GON4L: variants seen among roughly 807,000 people sequenced by gnomAD.
GON4L encodes the protein GON-4-like protein.
Under a neutral mutation model 211.8 loss-of-function variants are expected in GON4L, and 87 were observed. The observed-to-expected ratio is 0.41, with a 90% CI of 0.35 to 0.49. The LOEUF is 0.49. GON4L is among the 20% of genes least tolerant of loss of function. The pLI, the probability that GON4L is intolerant of heterozygous loss-of-function variation, is 0.15. For missense variants in GON4L, 2,155 were observed against 2,659.5 expected (o/e 0.81, Z 4.17); for synonymous variants, 875 against 962.6 (o/e 0.91, Z 1.68).
intron 27 of GON4L, among the ~76,000 whole-genome samples, chr1:155,756,244 C>G (rs1054121554): frequency 6.6e-6 from 1 of 152,082 alleles, no homozygotes; most frequent in African/African-American, 2.4e-5. Flanking sequence ...TAAGTATTAG[C>G]TGCTATCATT....
intron 28 of GON4L, chr1:155,753,895 G>A (rs1660872500): frequency 4.9e-6 from 1 of 202,942 alleles, no homozygotes; most frequent in South Asian, 8.0e-5. Flanking sequence ...TTTTAAACAC[G>A]GTCTCACTCT....
intron 11 of GON4L, among the ~76,000 whole-genome samples, chr1:155,802,564 A>G (rs1666778282): frequency 6.6e-6 from 1 of 152,146 alleles, no homozygotes; most frequent in Non-Finnish European, 1.5e-5. Context: ...GTCTCTGATC[A>G]TCCTAAACAA....
At chr1:155,827,722 T>C (rs1171087635) in intron 2 of GON4L, among the ~76,000 whole-genome samples, 1 of 150,546 alleles carries the variant, frequency 6.6e-6, no homozygotes, top group African/African-American at 2.4e-5. Flanking sequence ...CAGGTGCTTA[T>C]AGTCATGAGG....
chr1:155,852,182 A>G lies in GON4L; in HGVS notation c.505+1094T>C, dbSNP rs1046293403. Among the ~76,000 whole-genome samples, 363 of 150,406 alleles carry G rather than the reference A, an allele frequency of 2.4e-3. 2 individuals are homozygous for G. Among genetic ancestry groups the G allele is most frequent in the Non-Finnish European group, 3.4e-3 (232 of 67,452 alleles). ...TGTCACAAAAAAAAAAAAAAAAAAA[A>G]AAGAAGTCATCTCCCACCACCTGTT... On this transcript the variant is annotated intron_variant, in intron 2 of 31. Coordinates refer to ENST00000368331, the MANE Select transcript of GON4L (RefSeq NM_001282860.2).
At chr1:155,761,175 GTTTTT>G in intron 23 of GON4L, among the ~76,000 whole-genome samples, 1 of 109,534 alleles carries the variant, frequency 9.1e-6, no homozygotes, top group African/African-American at 3.8e-5. Context: ...CTTATGTGTG[GTTTTT>G]TTTTTTTTTT....
intron 19 of GON4L, 47 bp from the exon 20 acceptor site, chr1:155,767,588 C>A: frequency 6.6e-7 from 1 of 1,505,308 alleles, no homozygotes. Context: ...TCTGGAAACA[C>A]TGTCCCCTGT....
At chr1:155,815,019 C>A (rs1668115970) in intron 8 of GON4L, among the ~76,000 whole-genome samples, 1 of 152,012 alleles carries the variant, frequency 6.6e-6, no homozygotes, top group Non-Finnish European at 1.5e-5. Flanking sequence ...GAGGCTGAGG[C>A]AGGAGACTTG....
chr1:155,781,819 C>T (rs1473183177), intron 14 of GON4L, among the ~76,000 whole-genome samples: 1 of 150,318 alleles, frequency 6.7e-6, no homozygotes, highest in Non-Finnish European at 1.5e-5. Flanking sequence ...TACAGTGGCA[C>T]AATCTCAGCT....
At chr1:155,811,679 C>A (rs1667788949) in intron 10 of GON4L, among the ~76,000 whole-genome samples, 1 of 141,492 alleles carries the variant, frequency 7.1e-6, no homozygotes, top group Non-Finnish European at 1.5e-5. Flanking sequence ...ATCGCTTGAA[C>A]CCCGAAGTGG....
In GON4L at chr1:155,815,800, C is replaced by A; in HGVS notation, c.1161+5G>T. ...GACAAATATTACCAACTAACATTCA[C>A]TGACCTCTTCAGCAGTTTCATCTTC... On this transcript the variant is annotated splice_donor_5th_base_variant and intron_variant, in intron 8 of 31. Transcript: ENST00000368331. 6.6e-7 allele frequency: 1 copy of A among 1,522,890 alleles called. No individual in the cohort carries two copies. Among genetic ancestry groups the A allele is most frequent in the South Asian group, 1.1e-5 (1 of 89,234 alleles). 94.3% of individuals were successfully genotyped at this position (1,522,890 alleles called of 1,614,324 possible). A position where few individuals can be genotyped will look rare whatever the true frequency, so the allele number is the denominator to read the frequency against.
rs1488559349 is a variant in GON4L, at chr1:155,754,546, T to TC, written c.5518-59_5518-58insG. Reference sequence around the variant, plus strand: ...GTTGTTTTTTTTTTTTTTTTTTTTTTTGAGACAGAGTCTCGCTCTGTGGCC... The same window carrying TC: ...GTTGTTTTTTTTTTTTTTTTTTTTTTCTGAGACAGAGTCTCGCTCTGTGGCC... On this transcript the variant is annotated intron_variant, in intron 27 of 31. Transcript: ENST00000368331. 71 of 1,030,372 alleles carry TC rather than the reference T, an allele frequency of 6.9e-5. No individual in the cohort carries two copies. In the East Asian group the frequency reaches 1.7e-3, roughly 24 times the overall value. 63.8% of individuals were successfully genotyped at this position (1,030,372 alleles called of 1,614,324 possible). A position where few individuals can be genotyped will look rare whatever the true frequency, so the allele number is the denominator to read the frequency against.
At chr1:155,783,056 T>C (rs1664583087) in intron 14 of GON4L, among the ~76,000 whole-genome samples, 1 of 152,174 alleles carries the variant, frequency 6.6e-6, no homozygotes, top group Non-Finnish European at 1.5e-5. Context: ...GGATGAATGG[T>C]TCCATTCTGC....
intron 12 of GON4L, among the ~76,000 whole-genome samples, chr1:155,788,160 T>G (rs1354519410): frequency 6.6e-6 from 1 of 152,014 alleles, no homozygotes; most frequent in Non-Finnish European, 1.5e-5. Context: ...CCTGGCTAAT[T>G]TTTTGTAGTT....
chr1:155,817,117 T>C (rs1668322699), intron 6 of GON4L, among the ~76,000 whole-genome samples: 1 of 152,050 alleles, frequency 6.6e-6, no homozygotes, highest in Non-Finnish European at 1.5e-5. Context: ...AGCCTACTAA[T>C]TAGCTAGGAC....
rs565747354 is a variant in GON4L at position 155,840,088 on chromosome 1, G to A, written c.506-13060C>T. ...TCAGATGCTGAAATATTTTAGCTTAGAGGTCTATAAAAGCAATGTTTTCCT... is the reference window on the plus strand; with the variant it reads ...TCAGATGCTGAAATATTTTAGCTTAAAGGTCTATAAAAGCAATGTTTTCCT... On this transcript the variant is annotated intron_variant, in intron 2 of 31. Transcript: ENST00000368331. Among the ~76,000 whole-genome samples, 279 of 152,246 alleles carry A rather than the reference G, an allele frequency of 1.8e-3. 1 individual carries two copies. The highest frequency in any genetic ancestry group is 3.3e-3 in the Non-Finnish European group (222 of 68,026).
intron 1 of GON4L, 86 bp from the exon 2 acceptor site, chr1:155,853,892 G>T: frequency 1.1e-6 from 1 of 877,288 alleles, no homozygotes; most frequent in Non-Finnish European, 1.8e-6. Context: ...ATTCATGTTC[G>T]ATCATGAACA....
At chr1:155,748,444 G>A, downstream of GON4L, 1 of 1,610,876 alleles carries the variant, frequency 6.2e-7, no homozygotes, top group East Asian at 2.2e-5. Context: ...CTACAGCCCT[G>A]GACACAGTCA....
intron 12 of GON4L, among the ~76,000 whole-genome samples, chr1:155,786,503 C>T (rs1433183931): frequency 6.6e-6 from 1 of 151,938 alleles, no homozygotes; most frequent in Non-Finnish European, 1.5e-5. Flanking sequence ...TGCATTCCAG[C>T]CTGGGCGACA....
chr1:155,762,184 G>C lies in GON4L; in HGVS notation c.4911+6C>G, dbSNP rs749871901. 1.7e-5 allele frequency: 27 copies of C among 1,599,676 alleles called. No individual in the cohort carries two copies. The highest frequency in any genetic ancestry group is 3.5e-5 in the Admixed American group (2 of 57,790). ...CTGGCAATAACAGGAAGCAGCATTTGCCTACCCTGGTCAGATAAGCTTGGG... is the reference window on the plus strand; with the variant it reads ...CTGGCAATAACAGGAAGCAGCATTTCCCTACCCTGGTCAGATAAGCTTGGG... On this transcript the variant is annotated splice_donor_region_variant and intron_variant, in intron 23 of 31. Coordinates refer to ENST00000368331, the MANE Select transcript of GON4L (RefSeq NM_001282860.2).
Sources: gnomAD v4.1 joint callset for allele counts (sites outside exome capture counted in the v4.1 genomes callset) on GRCh38, gnomAD v4.1.1 for gene constraint, MANE v1.5 for transcripts, NCBI Gene and HGNC (gene_info 2026-07-23, HGNC 2026-07-21) for gene names.